UVSSA: variants seen among roughly 807,000 people sequenced by gnomAD.
The protein encoded by UVSSA is UV stimulated scaffold protein A.
UVSSA carries 72 observed loss-of-function variants against 73.9 expected under a neutral mutation model. The ratio of observed to expected loss-of-function variants is 0.97; its 90% CI spans 0.81 to 1.19. UVSSA has a LOEUF of 1.19. UVSSA is among the 50% of genes most tolerant of loss of function. UVSSA has a pLI of 0.00. For missense variants in UVSSA, 1,150 were observed against 965.0 expected (o/e 1.19, Z -2.54); for synonymous variants, 454 against 391.3 (o/e 1.16, Z -1.89).
intron 10 of UVSSA, among the ~76,000 whole-genome samples, 158 bp from the exon 11 acceptor site, chr4:1,379,889 C>G (rs1490546068): frequency 1.6e-5 from 1 of 64,068 alleles, no homozygotes; most frequent in East Asian, 4.0e-4. Context: ...AGAATTCAGA[C>G]CCAGCCGGGA....
intron 7 of UVSSA, among the ~76,000 whole-genome samples, chr4:1,365,179 T>G (rs1717149239): frequency 6.6e-6 from 1 of 152,224 alleles, no homozygotes. Context: ...CAGCAGCTTT[T>G]GGGAAGAGAA....
At chr4:1,369,739 CCTCACTGT>C (rs1166321668) in intron 8 of UVSSA, among the ~76,000 whole-genome samples, 1 of 152,274 alleles carries the variant, frequency 6.6e-6, no homozygotes, top group Non-Finnish European at 1.5e-5. Context: ...CGATTCCCTC[CCTCACTGT>C]CTGCTTTGGT....
chr4:1,350,803 G>C (rs1295467931), intron 3 of UVSSA, among the ~76,000 whole-genome samples: 2 of 151,686 alleles, frequency 1.3e-5, no homozygotes, highest in African/African-American at 4.8e-5. Context: ...ACTTACAGAC[G>C]CATAGGGCTC....
Position 1,349,580 on chromosome 4 carries a change from A to G in UVSSA, c.155A>G (p.Gln52Arg), listed in dbSNP as rs1714349329. The G allele has an allele frequency of 1.2e-6, 2 of 1,613,962 alleles. No homozygotes were observed. The highest frequency in any genetic ancestry group is 1.7e-6 in the Non-Finnish European group (2 of 1,180,022). ...CGCCTGCTGATAGCACAGCTGACCCAGGAGCACGCCGAGATCCGTCTCTCA... is the reference window on the plus strand; with the variant it reads ...CGCCTGCTGATAGCACAGCTGACCCGGGAGCACGCCGAGATCCGTCTCTCA... Reference protein sequence around the residue: ...AYRLLIAQLTQEHAEIRLSAF... With the variant: ...AYRLLIAQLTREHAEIRLSAF... Residue 52 changes from glutamine (Q) to arginine (R), a missense_variant, in exon 3 of 14, where the codon CAG (glutamine) becomes CGG (arginine). Transcript: ENST00000389851.
chr4:1,395,146 A>G, exon 14 of UVSSA: 1 of 1,284,676 alleles, frequency 7.8e-7, no homozygotes, highest in Non-Finnish European at 1.1e-6. Flanking sequence ...GCCTGCTCAC[A>G]CGTGCCCATG....
rs747642968 is a variant in UVSSA, at chr4:1,353,368, G to A, written c.889G>A (p.Gly297Arg). The change falls in exon 5 of 14, where the codon GGG (glycine) becomes AGG (arginine). Residue 297 changes from glycine to arginine, a missense_variant. Gly to Arg is a moderately radical substitution (Grantham distance 125). Transcript: ENST00000389851. ...CCTCGAGGAGTTTGTGCGGAGCCAC[G>A]GGCTGGGCTCGCACAAGTACACGCT... The part of the protein sequence containing the change: ...SDLEEFVRSH[G>R]LGSHKYTLDV... 30 of 1,604,720 alleles carry A rather than the reference G, an allele frequency of 1.9e-5. No homozygotes were observed. The highest frequency in any genetic ancestry group is 1.8e-4 in the South Asian group (16 of 90,134).
At position 1,349,874 on chromosome 4, in the gene UVSSA, T is replaced by A; in HGVS notation, c.429+20T>A. On this transcript the variant is annotated intron_variant, in intron 3 of 13. Transcript: ENST00000389851. ...AAAAAGGTAGGTGGGCCTGGCCCAT[T>A]TTTTCAGAGACTGGTTACCTGACGT... The A allele has an allele frequency of 2.6e-6, 4 of 1,510,962 alleles. No individual in the cohort carries two copies. The highest frequency in any genetic ancestry group is 3.5e-6 in the Non-Finnish European group (4 of 1,131,192). The allele number at this position is 1,510,962 out of a possible 1,614,324, so 93.6% of individuals were successfully genotyped here.
chr4:1,364,980 G>C (rs1030427253), intron 7 of UVSSA, among the ~76,000 whole-genome samples: 1 of 152,186 alleles, frequency 6.6e-6, no homozygotes, highest in African/African-American at 2.4e-5. Context: ...CTGCGTGCGA[G>C]CTCCCACACC....
intron 8 of UVSSA, chr4:1,375,004 G>A (rs1030950139): frequency 4.0e-6 from 1 of 247,874 alleles, no homozygotes; most frequent in South Asian, 6.0e-5. Context: ...CCGGGGCTAT[G>A]GGCACAGGGT....
chr4:1,348,975 G>A (rs1321076147), intron 2 of UVSSA, among the ~76,000 whole-genome samples: 2 of 151,420 alleles, frequency 1.3e-5, no homozygotes, highest in Non-Finnish European at 2.9e-5. Flanking sequence ...TGTGCCAGGC[G>A]GTGTGTGTTT....
At chr4:1,359,131 G>C (rs1344324761) in intron 7 of UVSSA, 2 of 152,234 alleles carry the variant, frequency 1.3e-5, no homozygotes, top group Non-Finnish European at 2.9e-5. Context: ...AAAATACTTA[G>C]GCGGGTTTGA....
chr4:1,375,944 C>T, intron 9 of UVSSA, 90 bp from the exon 10 acceptor site: 2 of 1,529,254 alleles, frequency 1.3e-6, no homozygotes, highest in East Asian at 2.5e-5. Context: ...ACCCGAGGCC[C>T]CAGCCTTGCT....
rs868224685 is a variant in UVSSA, at chr4:1,353,382, C to T, written c.903C>T (p.His301=). The T allele has an allele frequency of 1.3e-6, 2 of 1,594,208 alleles. No homozygotes were observed. Among genetic ancestry groups the T allele is most frequent in the Middle Eastern group, 1.7e-4 (1 of 5,818 alleles). The change falls in exon 5 of 14, where the codon CAC becomes CAT. Residue 301 remains histidine, a synonymous_variant. Coordinates refer to ENST00000389851, the MANE Select transcript of UVSSA (RefSeq NM_020894.4). The part of the protein sequence containing the change: ...EFVRSHGLGS[H]KYTLDVELCS... Reference sequence around the variant, plus strand: ...TGCGGAGCCACGGGCTGGGCTCGCACAAGTACACGCTGGATGTGGAGCTCT... The same window carrying T: ...TGCGGAGCCACGGGCTGGGCTCGCATAAGTACACGCTGGATGTGGAGCTCT...
intron 8 of UVSSA, among the ~76,000 whole-genome samples, chr4:1,368,673 G>A (rs1347541599): frequency 1.3e-5 from 2 of 152,256 alleles, no homozygotes; most frequent in African/African-American, 2.4e-5. Context: ...AGGGTCACAG[G>A]TAGGCACTGG....
intron 12 of UVSSA, among the ~76,000 whole-genome samples, chr4:1,382,478 A>G (rs553913027): frequency 2.0e-5 from 3 of 152,338 alleles, no homozygotes; most frequent in East Asian, 1.9e-4. Context: ...GTCAGCGCCC[A>G]GGAAGGCCGC....
chr4:1,348,942 T>C (rs1714172462), intron 2 of UVSSA, among the ~76,000 whole-genome samples: 1 of 151,982 alleles, frequency 6.6e-6, no homozygotes, highest in South Asian at 2.1e-4. Context: ...GCTGAAACAG[T>C]GTGCGTGCTG....
intron 7 of UVSSA, among the ~76,000 whole-genome samples, chr4:1,361,861 T>A (rs1423503996): frequency 6.6e-6 from 1 of 152,180 alleles, no homozygotes; most frequent in Non-Finnish European, 1.5e-5. Flanking sequence ...CATTTTTTTT[T>A]TTTTTTTTAT....
At chr4:1,355,762 C>T (rs566251464) in intron 7 of UVSSA, among the ~76,000 whole-genome samples, 4 of 152,168 alleles carry the variant, frequency 2.6e-5, no homozygotes, top group Admixed American at 6.5e-5. Context: ...GCAGGGAGCA[C>T]GGGGTTAGAA....
intron 8 of UVSSA, among the ~76,000 whole-genome samples, chr4:1,368,732 C>T (rs575626219): frequency 5.4e-4 from 82 of 152,374 alleles, no homozygotes; most frequent in African/African-American, 1.8e-3. Flanking sequence ...CCAGCCTGAC[C>T]CTGGTTGTGA....
Sources: allele counts gnomAD v4.1 joint callset (sites outside exome capture counted in the v4.1 genomes callset), GRCh38; gene constraint gnomAD v4.1.1; transcripts MANE v1.5; gene names NCBI Gene and HGNC (gene_info 2026-07-23, HGNC 2026-07-21).